ZNF736: variants seen among roughly 807,000 people sequenced by gnomAD.
ZNF736 encodes the protein KRAB-containing zinc-finger repressor protein.
A neutral mutation model predicts 11.7 loss-of-function variants in ZNF736; 6 were observed. The observed-to-expected ratio is 0.51, with a 90% CI of 0.28 to 1.01. The LOEUF (loss-of-function observed/expected upper bound fraction) is 1.01. Among genes scored for constraint, ZNF736 ranks in the 50% least tolerant of loss-of-function variants. ZNF736 has a pLI of 0.09. For missense variants in ZNF736, 444 were observed against 496.0 expected, an observed-to-expected ratio of 0.90 and a Z score of 1.00; for synonymous variants, 139 against 164.7, an observed-to-expected ratio of 0.84 and a Z score of 1.19.
At position 64,353,777 on chromosome 7, in the gene ZNF736, A is replaced by T. The variant is rs1238217990; in HGVS notation, c.*4630A>T. ...TGATCAGGATAATAATCTGCTTAGT[A>T]AGAGAAACAATTTGAATTTTAGAAG... On this transcript the variant is annotated 3_prime_UTR_variant, in exon 4 of 4. Coordinates refer to ENST00000423484, the MANE Select transcript of ZNF736 (RefSeq NM_001170905.3). 2 of 152,230 alleles carry T rather than the reference A, an allele frequency of 1.3e-5. No individual in the cohort carries two copies. The highest frequency in any genetic ancestry group is 2.9e-5 in the Non-Finnish European group (2 of 68,042). The allele number at this position is 152,230 out of a possible 1,614,324, so 9.4% of individuals were successfully genotyped here.
At chr7:64,339,163 T>C (rs556493972) in intron 3 of ZNF736, among the ~76,000 whole-genome samples, 133 of 152,260 alleles carry the variant, frequency 8.7e-4, no homozygotes, top group African/African-American at 3.0e-3. Context: ...TTTTTAAATT[T>C]TGTTATTACT....
At chr7:64,334,067 G>C (rs2115922497) in intron 1 of ZNF736, among the ~76,000 whole-genome samples, 1 of 152,270 alleles carries the variant, frequency 6.6e-6, no homozygotes, top group Middle Eastern at 3.4e-3. Context: ...TTAATAAATG[G>C]TGCTTGGAAA....
At chr7:64,329,972 A>T (rs1160270559) in intron 1 of ZNF736, among the ~76,000 whole-genome samples, 1 of 152,004 alleles carries the variant, frequency 6.6e-6, no homozygotes, top group Non-Finnish European at 1.5e-5. Flanking sequence ...ATGAGACAAC[A>T]TCCTTCCTAC....
chr7:64,339,643 G>A (rs1221490211), intron 3 of ZNF736, among the ~76,000 whole-genome samples: 2 of 135,762 alleles, frequency 1.5e-5, no homozygotes, highest in East Asian at 1.9e-4. Context: ...CACTGATATC[G>A]GTGTGCATTT....
In ZNF736 at chr7:64,355,679, T is replaced by C. The variant is rs1584281189; in HGVS notation, c.*6532T>C. 6.6e-6 allele frequency: 1 copy of C among 152,548 alleles called. No homozygotes were observed. The highest frequency in any genetic ancestry group is 2.4e-5 in the African/African-American group (1 of 41,436). The allele number at this position is 152,548 out of a possible 1,614,324, so 9.4% of individuals were successfully genotyped here. ...ATGCACATGTGAGCCACCGCGCCTG[T>C]CCTTGATTTTAGATCTTGACACAGC... On this transcript the variant is annotated 3_prime_UTR_variant, in exon 4 of 4. Coordinates refer to ENST00000423484, the MANE Select transcript of ZNF736 (RefSeq NM_001170905.3).
intron 1 of ZNF736, among the ~76,000 whole-genome samples, chr7:64,319,132 G>A (rs1434276705): frequency 6.6e-6 from 1 of 151,770 alleles, no homozygotes; most frequent in Non-Finnish European, 1.5e-5. Context: ...CATTATCCTT[G>A]CAAAAATCAT....
intron 1 of ZNF736, among the ~76,000 whole-genome samples, chr7:64,319,269 T>C (rs1788959592): frequency 6.7e-6 from 1 of 148,312 alleles, no homozygotes; most frequent in South Asian, 2.1e-4. Context: ...TGTGTGTGTG[T>C]ATATATAAAA....
intron 1 of ZNF736, among the ~76,000 whole-genome samples, chr7:64,335,734 AC>A (rs1789239938): frequency 6.6e-6 from 1 of 152,188 alleles, no homozygotes; most frequent in African/African-American, 2.4e-5. Flanking sequence ...TAAACTAAAA[AC>A]CTAGGCTGTG....
At chr7:64,317,794 A>G (rs1200294058) in intron 1 of ZNF736, among the ~76,000 whole-genome samples, 1 of 151,992 alleles carries the variant, frequency 6.6e-6, no homozygotes. Flanking sequence ...CCAGCTTTCT[A>G]TATCCATTAA....
intron 1 of ZNF736, among the ~76,000 whole-genome samples, chr7:64,315,140 T>C (rs558663202): frequency 6.6e-6 from 1 of 152,166 alleles, no homozygotes; most frequent in Non-Finnish European, 1.5e-5. Context: ...TTAAGCTTTC[T>C]GGGTGGGGCC....
At chr7:64,337,529 T>G (rs1363745776) in intron 3 of ZNF736, among the ~76,000 whole-genome samples, 1 of 152,132 alleles carries the variant, frequency 6.6e-6, no homozygotes, top group Non-Finnish European at 1.5e-5. Flanking sequence ...AGTAATTATA[T>G]CAAAACACTA....
At chr7:64,338,886 A>T (rs1789297054) in intron 3 of ZNF736, among the ~76,000 whole-genome samples, 1 of 152,052 alleles carries the variant, frequency 6.6e-6, no homozygotes, top group Non-Finnish European at 1.5e-5. Context: ...GTACTATTAA[A>T]AAATTTTTAA....
At chr7:64,335,054 A>T (rs2115925342) in intron 1 of ZNF736, among the ~76,000 whole-genome samples, 1 of 152,310 alleles carries the variant, frequency 6.6e-6, no homozygotes, top group East Asian at 1.9e-4. Flanking sequence ...CAGAAAACCA[A>T]ACACCGCATG....
At chr7:64,344,335 A>G (rs182248746) in intron 3 of ZNF736, among the ~76,000 whole-genome samples, 13 of 152,304 alleles carry the variant, frequency 8.5e-5, no homozygotes, top group African/African-American at 3.1e-4. Flanking sequence ...ATACTCTTTA[A>G]TATTTTCAGT....
At chr7:64,346,587 G>A (rs1789413110) in intron 3 of ZNF736, among the ~76,000 whole-genome samples, 1 of 151,794 alleles carries the variant, frequency 6.6e-6, no homozygotes, top group Admixed American at 6.6e-5. Context: ...TAAATAACAC[G>A]TCTCTTTCTT....
At chr7:64,344,280 C>A (rs1789379808) in intron 3 of ZNF736, among the ~76,000 whole-genome samples, 1 of 152,178 alleles carries the variant, frequency 6.6e-6, no homozygotes, top group African/African-American at 2.4e-5. Context: ...CCAGCCTGGG[C>A]TTCAAGAGCA....
intron 1 of ZNF736, among the ~76,000 whole-genome samples, chr7:64,321,559 A>T (rs960595093): frequency 6.6e-6 from 1 of 152,230 alleles, no homozygotes; most frequent in Admixed American, 6.5e-5. Flanking sequence ...TCCTGACTTT[A>T]GCCAAAAATG....
At chr7:64,326,794 T>G (rs570812705) in intron 1 of ZNF736, among the ~76,000 whole-genome samples, 2 of 152,312 alleles carry the variant, frequency 1.3e-5, no homozygotes, top group East Asian at 1.9e-4. Flanking sequence ...CTTAAATTCC[T>G]TATTGGCCTA....
chr7:64,313,979 C>A lies in ZNF736; in HGVS notation c.-172C>A. 2 of 821,178 alleles carry A rather than the reference C, an allele frequency of 2.4e-6. No individual in the cohort carries two copies. Among genetic ancestry groups the A allele is most frequent in the Non-Finnish European group, 3.9e-6 (2 of 513,214 alleles). 50.9% of individuals were successfully genotyped at this position (821,178 alleles called of 1,614,324 possible). A position where few individuals can be genotyped will look rare whatever the true frequency, so the allele number is the denominator to read the frequency against. ...GGAAGAGGCGGCCTCTTCAATATGG[C>A]GGGGCCTTTGTCTCCTAGCTTCCGG... On this transcript the variant is annotated 5_prime_UTR_variant, in exon 1 of 4. Coordinates refer to ENST00000423484, the MANE Select transcript of ZNF736 (RefSeq NM_001170905.3).
Sources: allele counts gnomAD v4.1 joint callset (sites outside exome capture counted in the v4.1 genomes callset), GRCh38; gene constraint gnomAD v4.1.1; transcripts MANE v1.5; gene names NCBI Gene and HGNC (gene_info 2026-07-23, HGNC 2026-07-21).